The following LHFPL4 variants were observed in gnomAD, a reference collection of about 807,000 sequenced individuals.
LHFPL4 encodes the protein LHFPL tetraspan subfamily member 4 protein.
In LHFPL4, 6 loss-of-function variants were observed where a neutral mutation model predicts 20.0. That is an observed-to-expected ratio of 0.30 (90% CI 0.16 to 0.59). The LOEUF is 0.59. Among genes scored for constraint, LHFPL4 ranks in the 20% least tolerant of loss-of-function variants. LHFPL4 has a pLI of 0.88. For synonymous variants in LHFPL4, 129 were observed against 143.8 expected, an observed-to-expected ratio of 0.90 and a Z score of 0.74; for missense variants, 215 against 331.2, an observed-to-expected ratio of 0.65 and a Z score of 2.72.
At chr3:9,551,359 C>T (rs150676067) in intron 2 of LHFPL4, among the ~76,000 whole-genome samples, 74 of 152,226 alleles carry the variant, frequency 4.9e-4, no homozygotes, top group African/African-American at 1.7e-3. Context: ...CCCCTGGCCC[C>T]ACTTTCCCCA....
rs1355949175 is a variant in LHFPL4 at position 9,506,666 on chromosome 3, C to T, written c.407-463G>A. ...CGTGATCTCGGCTCACTGTAACCTC[C>T]ACCTCCCGGGCTCAAGCAATTCTCC... On this transcript the variant is annotated intron_variant, in intron 2 of 3. Coordinates refer to ENST00000287585, the MANE Select transcript of LHFPL4 (RefSeq NM_198560.3). The surrounding 1 kb of genome is among the most constrained non-coding windows in gnomAD (Gnocchi z 4.5). Among the ~76,000 whole-genome samples the T allele has an allele frequency of 1.1e-5, 1 of 87,144 alleles. No homozygotes were observed. Among genetic ancestry groups the T allele is most frequent in the Non-Finnish European group, 2.3e-5 (1 of 43,388 alleles). 57.2% of individuals were successfully genotyped at this position (87,144 alleles called of 152,430 possible). A position where few individuals can be genotyped will look rare whatever the true frequency, so the allele number is the denominator to read the frequency against.
chr3:9,509,650 G>A (rs1452232848), intron 2 of LHFPL4, among the ~76,000 whole-genome samples: 1 of 152,256 alleles, frequency 6.6e-6, no homozygotes, highest in Non-Finnish European at 1.5e-5. Flanking sequence ...GGGGTACTCA[G>A]AGATGGCTGG....
At chr3:9,553,195 T>C (rs1291368881) in intron 1 of LHFPL4, among the ~76,000 whole-genome samples, 1 of 147,080 alleles carries the variant, frequency 6.8e-6, no homozygotes, top group African/African-American at 2.5e-5. Flanking sequence ...ATTGGGTGTC[T>C]AGCAAGGGAC....
At chr3:9,504,104 C>T (rs2046198946) in intron 3 of LHFPL4, among the ~76,000 whole-genome samples, 1 of 152,186 alleles carries the variant, frequency 6.6e-6, no homozygotes, top group South Asian at 2.1e-4. Flanking sequence ...GGTGTGCTGG[C>T]TCATGCCTGT....
intron 2 of LHFPL4, among the ~76,000 whole-genome samples, chr3:9,515,148 C>T (rs578142405): frequency 6.6e-6 from 1 of 152,186 alleles, no homozygotes; most frequent in Non-Finnish European, 1.5e-5. Flanking sequence ...TGTTGCTCCA[C>T]GTCCTACCAG....
At chr3:9,546,728 CA>C (rs748778931) in intron 2 of LHFPL4, among the ~76,000 whole-genome samples, 83 of 152,286 alleles carry the variant, frequency 5.5e-4, no homozygotes, top group Admixed American at 9.8e-4. Flanking sequence ...CCAGCAAGTC[CA>C]AACTCTAAGT....
intron 2 of LHFPL4, among the ~76,000 whole-genome samples, chr3:9,525,745 A>T (rs1329529891): frequency 6.6e-6 from 1 of 152,278 alleles, no homozygotes; most frequent in Non-Finnish European, 1.5e-5. Context: ...TTTTAAAAAA[A>T]ATCCAACGTG....
chr3:9,534,679 G>A (rs933561725), intron 2 of LHFPL4, among the ~76,000 whole-genome samples: 6 of 152,062 alleles, frequency 3.9e-5, no homozygotes, highest in Non-Finnish European at 7.4e-5. Context: ...AAGTGGGTGG[G>A]GTTTGACTGC....
intron 2 of LHFPL4, among the ~76,000 whole-genome samples, chr3:9,517,801 G>GTTTTT (rs1162876826): frequency 1.3e-5 from 1 of 75,578 alleles, no homozygotes; most frequent in East Asian, 2.4e-4. Context: ...GGGTTTTTTT[G>GTTTTT]TTTTTTGTTT....
At chr3:9,535,790 T>C (rs572657853) in intron 2 of LHFPL4, among the ~76,000 whole-genome samples, 16 of 151,912 alleles carry the variant, frequency 1.1e-4, no homozygotes, top group East Asian at 5.9e-4. Flanking sequence ...TGCTTTCCTA[T>C]ATTTTTATTT....
chr3:9,512,082 G>A lies in LHFPL4; in HGVS notation c.407-5879C>T, dbSNP rs549811486. Reference sequence around the variant, plus strand: ...CGAATAGCTGGGACTACAGGCGCCCGCCACCACACCTGGCTAATTATTTGT... The same window carrying A: ...CGAATAGCTGGGACTACAGGCGCCCACCACCACACCTGGCTAATTATTTGT... On this transcript the variant is annotated intron_variant, in intron 2 of 3. Coordinates refer to ENST00000287585, the MANE Select transcript of LHFPL4 (RefSeq NM_198560.3). Among the ~76,000 whole-genome samples the A allele has an allele frequency of 3.3e-5, 5 of 152,204 alleles. 1 individual carries two copies. In the South Asian group the frequency reaches 1.0e-3, roughly 32 times the overall value.
intron 2 of LHFPL4, among the ~76,000 whole-genome samples, chr3:9,520,100 C>G (rs2046328576): frequency 6.6e-6 from 1 of 152,098 alleles, no homozygotes; most frequent in African/African-American, 2.4e-5. Flanking sequence ...AAATTTCCCT[C>G]TGAACACTGC....
At chr3:9,527,809 AACACACACACACACACACACACAC>A (rs58489008) in intron 2 of LHFPL4, among the ~76,000 whole-genome samples, 1 of 143,182 alleles carries the variant, frequency 7.0e-6, no homozygotes, top group Non-Finnish European at 1.5e-5. Flanking sequence ...TTCAAATACA[AACACACACACACACACACACACAC>A]ACACACACAC....
At chr3:9,543,504 CAAAAAAAAAAG>C (rs983155022) in intron 2 of LHFPL4, among the ~76,000 whole-genome samples, 2 of 138,774 alleles carry the variant, frequency 1.4e-5, no homozygotes, top group African/African-American at 2.7e-5. Context: ...TGTCTCAAAA[CAAAAAAAAAAG>C]AAAAAAAAAG....
intron 2 of LHFPL4, among the ~76,000 whole-genome samples, chr3:9,513,757 TTAAC>T (rs1559516158): frequency 6.6e-6 from 1 of 152,224 alleles, no homozygotes; most frequent in East Asian, 1.9e-4. Context: ...GAAAAATCAT[TTAAC>T]TGTGCGTCAC....
rs560230299 is a variant in LHFPL4, at chr3:9,518,556, A to T, written c.407-12353T>A. Among the ~76,000 whole-genome samples the T allele has an allele frequency of 3.9e-4, 60 of 152,138 alleles. 1 individual carries two copies. The highest frequency in any genetic ancestry group is 3.2e-3 in the Middle Eastern group (1 of 316). On this transcript the variant is annotated intron_variant, in intron 2 of 3. Transcript: ENST00000287585. ...AGGGCCTGGTGCTTTCTCTTTTGGA[A>T]GGTTATTGATTACTAATTCAATAGA...
rs2046221495 is a variant in LHFPL4, at chr3:9,506,738, G to A, written c.407-535C>T. On this transcript the variant is annotated intron_variant, in intron 2 of 3. Coordinates refer to ENST00000287585, the MANE Select transcript of LHFPL4 (RefSeq NM_198560.3). The surrounding 1 kb of genome is among the most constrained non-coding windows in gnomAD (Gnocchi z 4.5). Reference sequence around the variant, plus strand: ...TGAGACTACAGGTGCCTCCCACCATGTCCGGCTCATTTTTGTATTTTTAGT... The same window carrying A: ...TGAGACTACAGGTGCCTCCCACCATATCCGGCTCATTTTTGTATTTTTAGT... Among the ~76,000 whole-genome samples the A allele has an allele frequency of 6.6e-6, 1 of 152,052 alleles. No homozygotes were observed. The highest frequency in any genetic ancestry group is 2.1e-4 in the South Asian group (1 of 4,824).
rs541263124 is a variant in LHFPL4, at chr3:9,552,851, A to AG, written c.-168-5dup. The AG allele has an allele frequency of 8.0e-4, 147 of 183,390 alleles. 1 individual carries two copies. In the South Asian group the frequency reaches 9.0e-3, roughly 11 times the overall value. 11.4% of individuals were successfully genotyped at this position (183,390 alleles called of 1,614,324 possible). On this transcript the variant is annotated splice_polypyrimidine_tract_variant and splice_region_variant and intron_variant, in intron 1 of 3. Coordinates refer to ENST00000287585, the MANE Select transcript of LHFPL4 (RefSeq NM_198560.3). ...AGCTGGGGGCGTCTGGGAGCTGCTA[A>AG]GGGAGAGAGGAAGGGGTCATGAGAG...
At chr3:9,526,520 C>T (rs915779748) in intron 2 of LHFPL4, among the ~76,000 whole-genome samples, 8 of 152,284 alleles carry the variant, frequency 5.3e-5, no homozygotes, top group Admixed American at 3.9e-4. Flanking sequence ...TCCCTCATAT[C>T]ATCTCCCTCC....
Sources: allele counts gnomAD v4.1 joint callset (sites outside exome capture counted in the v4.1 genomes callset), GRCh38; gene constraint gnomAD v4.1.1; non-coding constraint Gnocchi (gnomAD v3.1); transcripts MANE v1.5; gene names NCBI Gene and HGNC (gene_info 2026-07-23, HGNC 2026-07-21).